The following SPTBN5 variants were observed in gnomAD, a reference collection of about 807,000 sequenced individuals.
The protein encoded by SPTBN5 is spectrin beta, non-erythrocytic 5, also known as spectrin beta chain, non-erythrocytic 5.
In SPTBN5, 513 loss-of-function variants were observed where a neutral mutation model predicts 477.6. The observed-to-expected ratio is 1.07, with a 90% confidence interval of 1.00 to 1.16. SPTBN5 has a LOEUF of 1.16. Ranked by LOEUF, SPTBN5 falls within the 50% of genes most tolerant of loss-of-function variation. The probability of loss-of-function intolerance (pLI) is 0.00; values close to 1 mark genes in which losing one functional copy is unlikely to be tolerated. For synonymous variants in SPTBN5, 2,169 were observed against 2,011.7 expected (o/e 1.08, Z -2.09); for missense variants, 5,062 against 4,731.8 (o/e 1.07, Z -2.05).
Position 41,853,738 on chromosome 15 carries a change from G to C in SPTBN5, c.9824C>G (p.Ala3275Gly), listed in dbSNP as rs1197660. 519,206 of 1,583,146 alleles carry C rather than the reference G, an allele frequency of 0.33. 88,942 individuals carry two copies. Among genetic ancestry groups the C allele is most frequent in the Middle Eastern group, 0.49 (2,934 of 6,016 alleles). ...AGGATGTAGCTGGCCCAGTCGGCAG[G>C]CCTCCGTCTGTAGCCGTGCCACCTC... ...EKEVARLQTE[A>G]CRLGQLHPAA... The change falls in exon 58 of 68, where the codon GCC (alanine) becomes GGC (glycine). Residue 3275 changes from alanine to glycine, a missense_variant. Transcript: ENST00000320955.
intron 34 of SPTBN5, 88 bp from the exon 35 acceptor site, chr15:41,867,730 A>T: frequency 7.9e-7 from 1 of 1,265,886 alleles, no homozygotes; most frequent in Non-Finnish European, 1.1e-6. Context: ...CACTCTGGGT[A>T]TGGCAGGGCC....
chr15:41,853,967 G>T (rs1361686110), intron 57 of SPTBN5, 83 bp downstream of exon 57: 40 of 1,478,972 alleles, frequency 2.7e-5, no homozygotes, highest in Non-Finnish European at 3.4e-5. Context: ...AGCAGGCTGG[G>T]GTGGGAGGGC....
rs372610201 is a variant in SPTBN5 at position 41,858,949 on chromosome 15, G to A, written c.8020C>T (p.Arg2674Cys). The change falls in exon 48 of 68, where the codon CGC becomes TGC. Residue 2674 changes from arginine to cysteine, a missense_variant. Arg to Cys is a radical substitution (Grantham distance 180). Transcript: ENST00000320955. Reference protein sequence around the residue: ...KEALFRQAGTRRHRLEELRQL... With the variant: ...KEALFRQAGTCRHRLEELRQL... ...CGGAGCTCCTCCAGGCGATGGCGGCGGGTCCCGGCTTGCCTGAAGAGCGCC... is the reference window on the plus strand; with the variant it reads ...CGGAGCTCCTCCAGGCGATGGCGGCAGGTCCCGGCTTGCCTGAAGAGCGCC... 6.4e-5 allele frequency: 102 copies of A among 1,589,252 alleles called. No individual in the cohort carries two copies. In the African/African-American group the frequency reaches 1.0e-3, roughly 16 times the overall value.
intron 31 of SPTBN5, 104 bp from the exon 32 acceptor site, chr15:41,870,124 G>A (rs1481804713): frequency 6.9e-7 from 1 of 1,452,048 alleles, no homozygotes; most frequent in East Asian, 2.5e-5. Flanking sequence ...GCCACGTCCT[G>A]CCATGCACAG....
chr15:41,850,059 C>A, intron 66 of SPTBN5, 100 bp from the exon 67 acceptor site: 1 of 995,560 alleles, frequency 1.0e-6, no homozygotes, highest in Non-Finnish European at 1.5e-6. Context: ...CTCAGCACAG[C>A]CTTAGGCAGC....
At chr15:41,889,240 A>T (rs912480234) in intron 4 of SPTBN5, among the ~76,000 whole-genome samples, 1 of 151,760 alleles carries the variant, frequency 6.6e-6, no homozygotes. Context: ...GACACACAAG[A>T]CCCCTGCTCT....
chr15:41,855,532 G>A lies in SPTBN5; in HGVS notation c.9218+17C>T, dbSNP rs117023042. 1.9e-6 allele frequency: 3 copies of A among 1,605,812 alleles called. No individual in the cohort carries two copies. Among genetic ancestry groups the A allele is most frequent in the Admixed American group, 1.7e-5 (1 of 59,624 alleles). ...GCTTCTCTCTGCTCCTTCGCGGATG[G>A]TGTGGCTTCCGCCCACCTTTCTGGG... On this transcript the variant is annotated intron_variant, in intron 54 of 67. Transcript: ENST00000320955.
In SPTBN5 at chr15:41,887,391, T is replaced by C. The variant is rs1348151819; in HGVS notation, c.710A>G (p.Asn237Ser). 1 of 1,554,238 alleles carries C rather than the reference T, an allele frequency of 6.4e-7. No individual in the cohort carries two copies. The highest frequency in any genetic ancestry group is 1.4e-5 in the African/African-American group (1 of 73,192). Residue 237 changes from asparagine (N) to serine (S), a missense_variant, in exon 6 of 68, where the codon AAC becomes AGC. Physicochemically the swap from Asn to Ser is conservative, Grantham distance 46 (BLOSUM62 1). Coordinates refer to ENST00000320955, the MANE Select transcript of SPTBN5 (RefSeq NM_016642.4). ...GSLRPDRPLH[N>S]LAFAFLVAEQ... ...AGCCACCAGGAAAGCAAAAGCAAGG[T>C]TGTGCAGTGGGCGGTCTGGACGCAG...
rs780525796 is a variant in SPTBN5 at position 41,866,097 on chromosome 15, G to T, written c.6763C>A (p.Arg2255=). Residue 2255 remains arginine (R), a synonymous_variant, in exon 38 of 68, where the codon CGG becomes AGG. Transcript: ENST00000320955. ...ALRGQELEDR[R]NFLEFLQRVD... ...CTCTGCAGGAACTCCAGGAAGTTCC[G>T]CCTGTCCTCCAGCTCCTGGCCCCTG... 6.4e-7 allele frequency: 1 copy of T among 1,557,276 alleles called. No individual in the cohort carries two copies. The highest frequency in any genetic ancestry group is 1.2e-5 in the South Asian group (1 of 84,426).
rs993113792 is a variant in SPTBN5, at chr15:41,861,867, T to G, written c.7605A>C (p.Gln2535His). The change falls in exon 45 of 68, where the codon CAA becomes CAC. Residue 2535 changes from glutamine (Q) to histidine (H), a missense_variant. Transcript: ENST00000320955. ...SISLARSTGQ[Q>H]LLTAGHPFSS... ...TGAAGGGGTGCCCCGCTGTGAGCAGTTGCTGCCCAGTGCTTCGGGCCAGGC... is the reference window on the plus strand; with the variant it reads ...TGAAGGGGTGCCCCGCTGTGAGCAGGTGCTGCCCAGTGCTTCGGGCCAGGC... 5.6e-6 allele frequency: 9 copies of G among 1,608,524 alleles called. No individual in the cohort carries two copies. Among genetic ancestry groups the G allele is most frequent in the Admixed American group, 3.3e-5 (2 of 59,898 alleles).
At position 41,873,559 on chromosome 15, in the gene SPTBN5, G is replaced by A. The variant is rs773172767; in HGVS notation, c.4940C>T (p.Pro1647Leu). The change falls in exon 26 of 68, where the codon CCG (proline) becomes CTG (leucine). Residue 1647 changes from proline (P) to leucine (L), a missense_variant. Physicochemically the swap from Pro to Leu is moderately conservative, Grantham distance 98. Coordinates refer to ENST00000320955, the MANE Select transcript of SPTBN5 (RefSeq NM_016642.4). ...ELEGWVEEKR[P>L]LVSSRDYGRD... is the part of the protein sequence containing the mutation. ...GCCATAGTCCCGACTGCTCACCAGC[G>A]GCCGCTTCTCCTCCACCCAGCCCTC... The A allele has an allele frequency of 2.2e-5, 34 of 1,552,194 alleles. No homozygotes were observed. Among genetic ancestry groups the A allele is most frequent in the South Asian group, 8.3e-5 (7 of 84,064 alleles).
In SPTBN5 at chr15:41,866,155, C is replaced by T. The variant is rs777432136; in HGVS notation, c.6705G>A (p.Lys2235=). Residue 2235 remains lysine (K), a synonymous_variant, in exon 38 of 68, where the codon AAG becomes AAA. Transcript: ENST00000320955. ...EVSQRLQGLR[K]HWEDLRQAMA... ...TTGCCTGCCTCAGGTCCTCCCAGTG[C>T]TTCCGCAGGCCCTGCAGCCGCTGGG... 67 of 1,564,006 alleles carry T rather than the reference C, an allele frequency of 4.3e-5. No individual in the cohort carries two copies. The highest frequency in any genetic ancestry group is 1.7e-4 in the Middle Eastern group (1 of 6,018).
chr15:41,858,940 G>T lies in SPTBN5; in HGVS notation c.8029C>A (p.Arg2677Ser), dbSNP rs554409929. The change falls in exon 48 of 68, where the codon CGC becomes AGC. Residue 2677 changes from arginine to serine, a missense_variant. Transcript: ENST00000320955. ...TGCAGCTGCCGGAGCTCCTCCAGGCGATGGCGGCGGGTCCCGGCTTGCCTG... is the reference window on the plus strand; with the variant it reads ...TGCAGCTGCCGGAGCTCCTCCAGGCTATGGCGGCGGGTCCCGGCTTGCCTG... ...LFRQAGTRRH[R>S]LEELRQLQAF... 4 of 1,593,962 alleles carry T rather than the reference G, an allele frequency of 2.5e-6. No homozygotes were observed. Among genetic ancestry groups the T allele is most frequent in the Non-Finnish European group, 3.4e-6 (4 of 1,168,630 alleles).
At position 41,855,385 on chromosome 15, in the gene SPTBN5, C is replaced by T. The variant is rs754976616; in HGVS notation, c.9262G>A (p.Ala3088Thr). 9.3e-6 allele frequency: 15 copies of T among 1,604,492 alleles called. No homozygotes were observed. In the Admixed American group the frequency reaches 1.7e-4, roughly 18 times the overall value. The change falls in exon 55 of 68, where the codon GCA becomes ACA. Residue 3088 changes from alanine (A) to threonine (T), a missense_variant. Ala to Thr is a moderately conservative substitution (Grantham distance 58). Coordinates refer to ENST00000320955, the MANE Select transcript of SPTBN5 (RefSeq NM_016642.4). ...GCCTCCGCCCTCCGCAGCAGCTCTG[C>T]GTGGGCCTCCCGAACTGCCTGCAGC... Reference protein sequence around the residue: ...AQLQAVREAHAELLRRAEARG... With the variant: ...AQLQAVREAHTELLRRAEARG...
chr15:41,854,833 G>T lies in SPTBN5; in HGVS notation c.9567C>A (p.Arg3189=). The T allele has an allele frequency of 6.3e-7, 1 of 1,594,428 alleles. No homozygotes were observed. The highest frequency in any genetic ancestry group is 1.4e-5 in the African/African-American group (1 of 74,020). ...RYPHIQAQRS[R]IEAAWERLDQ... Reference sequence around the variant, plus strand: ...CCAACCTCTCCCAAGCAGCCTCAATGCGGCTCCTCTGGGCTTGGATGTGGG... The same window carrying T: ...CCAACCTCTCCCAAGCAGCCTCAATTCGGCTCCTCTGGGCTTGGATGTGGG... Residue 3189 remains arginine, a synonymous_variant, in exon 56 of 68, where the codon CGC becomes CGA. Coordinates refer to ENST00000320955, the MANE Select transcript of SPTBN5 (RefSeq NM_016642.4).
intron 7 of SPTBN5, among the ~76,000 whole-genome samples, chr15:41,884,897 C>T (rs2067097142): frequency 6.6e-6 from 1 of 152,262 alleles, no homozygotes; most frequent in African/African-American, 2.4e-5. Flanking sequence ...GCCTAGAATA[C>T]TCTGTCTCCC....
Position 41,858,583 on chromosome 15 carries a change from C to G in SPTBN5, c.8226+19G>C. The G allele has an allele frequency of 6.2e-7, 1 of 1,605,860 alleles. No individual in the cohort carries two copies. The highest frequency in any genetic ancestry group is 8.5e-7 in the Non-Finnish European group (1 of 1,177,924). Reference sequence around the variant, plus strand: ...GCCTGGAGAGCTGTCCCACCACCCTCCTGCCTGCAGGGCCTCACCCGCTGC... The same window carrying G: ...GCCTGGAGAGCTGTCCCACCACCCTGCTGCCTGCAGGGCCTCACCCGCTGC... On this transcript the variant is annotated intron_variant, in intron 49 of 67. Transcript: ENST00000320955.
chr15:41,860,121 G>C (rs140482858), intron 47 of SPTBN5, among the ~76,000 whole-genome samples: 54 of 152,346 alleles, frequency 3.5e-4, no homozygotes, highest in African/African-American at 1.2e-3. Flanking sequence ...TAGCCTGCCT[G>C]TGGGGCCAGC....
Position 41,850,908 on chromosome 15 carries a change from C to T in SPTBN5, c.10867G>A (p.Ala3623Thr). The change falls in exon 66 of 68, where the codon GCA becomes ACA. Residue 3623 changes from alanine (A) to threonine (T), a missense_variant. Ala to Thr is a moderately conservative substitution (Grantham distance 58). Coordinates refer to ENST00000320955, the MANE Select transcript of SPTBN5 (RefSeq NM_016642.4). Reference protein sequence around the residue: ...LTSGAEILFAAPSEEQAESWW... With the variant: ...LTSGAEILFATPSEEQAESWW... Reference sequence around the variant, plus strand: ...CTCTCAGCCTGCTCTTCGGACGGTGCTGCAAACAGGATCTCTGCCCCACTG... The same window carrying T: ...CTCTCAGCCTGCTCTTCGGACGGTGTTGCAAACAGGATCTCTGCCCCACTG... 1.2e-6 allele frequency: 2 copies of T among 1,603,814 alleles called. No homozygotes were observed. Among genetic ancestry groups the T allele is most frequent in the Non-Finnish European group, 1.7e-6 (2 of 1,176,046 alleles).
Sources: gnomAD v4.1 joint callset for allele counts (sites outside exome capture counted in the v4.1 genomes callset) on GRCh38, gnomAD v4.1.1 for gene constraint, MANE v1.5 for transcripts, NCBI Gene and HGNC (gene_info 2026-07-23, HGNC 2026-07-21) for gene names.